ZNF536: variants seen among roughly 807,000 people sequenced by gnomAD.
ZNF536 encodes the protein zinc finger protein 536.
A neutral mutation model predicts 84.5 loss-of-function variants in ZNF536; 13 were observed. The ratio of observed to expected loss-of-function variants is 0.15; its 90% confidence interval spans 0.10 to 0.24. ZNF536 has a LOEUF of 0.24. Ranked by LOEUF, ZNF536 falls within the 10% of genes least tolerant of loss-of-function variation. The pLI is 1.00. For missense variants in ZNF536, 1,536 were observed against 1,747.5 expected, an observed-to-expected ratio of 0.88 and a Z score of 2.16; for synonymous variants, 811 against 742.5, an observed-to-expected ratio of 1.09 and a Z score of -1.50.
intron 3 of ZNF536, among the ~76,000 whole-genome samples, chr19:30,540,121 G>T (rs1422243876): frequency 6.6e-6 from 1 of 152,180 alleles, no homozygotes; most frequent in Non-Finnish European, 1.5e-5. Context: ...GTCAGTGGTG[G>T]TTTCCCAGGG....
chr19:30,285,833 C>T (rs55947232), intron 2 of ZNF536, among the ~76,000 whole-genome samples: 27,743 of 152,184 alleles, frequency 0.18, 2,915 homozygotes, highest in East Asian at 0.52. Context: ...AACACTTCCT[C>T]CATTGTGACA....
At chr19:30,489,170 C>T (rs986219732) in intron 2 of ZNF536, among the ~76,000 whole-genome samples, 1 of 152,156 alleles carries the variant, frequency 6.6e-6, no homozygotes, top group African/African-American at 2.4e-5. Context: ...GCTTATCTTT[C>T]CTGGGGAGCT....
intron 1 of ZNF536, among the ~76,000 whole-genome samples, chr19:30,582,057 G>A (rs1407093336): frequency 6.6e-6 from 1 of 152,184 alleles, no homozygotes; most frequent in East Asian, 1.9e-4. Flanking sequence ...AGAGAGGTGA[G>A]GGTCCGCGGT....
chr19:30,661,444 G>A (rs1471669096), intron 1 of ZNF536, among the ~76,000 whole-genome samples: 1 of 152,190 alleles, frequency 6.6e-6, no homozygotes, highest in East Asian at 1.9e-4. Context: ...CACATCCCTA[G>A]AAATATGTAG....
At chr19:30,473,362 G>A (rs943335297) in intron 2 of ZNF536, among the ~76,000 whole-genome samples, 10 of 152,160 alleles carry the variant, frequency 6.6e-5, no homozygotes, top group Admixed American at 5.2e-4. Context: ...CGTGTCCCAT[G>A]GCCCCAGAGT....
At chr19:30,576,853 G>C (rs555634341) in intron 1 of ZNF536, among the ~76,000 whole-genome samples, 15 of 152,186 alleles carry the variant, frequency 9.9e-5, no homozygotes, top group Non-Finnish European at 1.5e-4. Context: ...GCCTTTCCTG[G>C]AGTTGCATGT....
At chr19:30,327,224 T>C (rs1274078363) in intron 2 of ZNF536, among the ~76,000 whole-genome samples, 1 of 152,226 alleles carries the variant, frequency 6.6e-6, no homozygotes, top group Non-Finnish European at 1.5e-5. Context: ...GACACAGCAT[T>C]GTTGAAATTA....
downstream of ZNF536, among the ~76,000 whole-genome samples, chr19:30,561,314 C>A (rs887444798): frequency 6.6e-6 from 1 of 152,126 alleles, no homozygotes; most frequent in Non-Finnish European, 1.5e-5. Context: ...CAAGGTGTGC[C>A]CTGCACCTGG....
At position 30,246,117 on chromosome 19, in the gene ZNF536, C is replaced by A. The variant is rs563394404; in HGVS notation, c.-190+17444C>A. On this transcript the variant is annotated intron_variant, in intron 1 of 5. Transcript: ENST00000585628. ...TGACTGATGAGTGAGGTGGAGTAACCCCACTGGCTTCAACGAGACACTCGA... is the reference window on the plus strand; with the variant it reads ...TGACTGATGAGTGAGGTGGAGTAACACCACTGGCTTCAACGAGACACTCGA... Among the ~76,000 whole-genome samples the A allele has an allele frequency of 1.3e-4, 20 of 152,216 alleles. No individual in the cohort carries two copies. The South Asian group carries it at 4.2e-3, about 32-fold the overall frequency.
In ZNF536 at chr19:30,548,099, G is replaced by C. The variant is rs2146182274; in HGVS notation, c.2480G>C (p.Ser827Thr). 6.2e-7 allele frequency: 1 copy of C among 1,614,140 alleles called. No individual in the cohort carries two copies. The highest frequency in any genetic ancestry group is 8.5e-7 in the Non-Finnish European group (1 of 1,180,016). The change falls in exon 4 of 5, where the codon AGC becomes ACC. Residue 827 changes from serine to threonine, a missense_variant. Physicochemically the swap from Ser to Thr is moderately conservative, Grantham distance 58. This residue lies in a region of ZNF536 where 624 missense variants were observed against 603.1 expected (regional missense o/e 1.03). Transcript: ENST00000355537. ...PNQDHKDEMSSKASLFIRPDI... is the reference protein window; with the variant it reads ...PNQDHKDEMSTKASLFIRPDI... ...CAAGACCACAAGGATGAGATGTCAA[G>C]CAAAGCTTCTCTGTTCATCAGGCCA...
At chr19:30,695,012 A>C (rs2147939853) in intron 1 of ZNF536, among the ~76,000 whole-genome samples, 2 of 152,250 alleles carry the variant, frequency 1.3e-5, no homozygotes, top group Admixed American at 1.3e-4. Context: ...GCCGTTCAAC[A>C]CTCTCCACCA....
intron 2 of ZNF536, among the ~76,000 whole-genome samples, chr19:30,522,283 A>ATACATATATATGT (rs59462054): frequency 2.4e-5 from 1 of 42,350 alleles, no homozygotes; most frequent in African/African-American, 7.3e-5. Context: ...ACATATATAT[A>ATACATATATATGT]ATATATATAT....
chr19:30,605,736 C>A (rs538117176), intron 1 of ZNF536, among the ~76,000 whole-genome samples: 13 of 152,124 alleles, frequency 8.5e-5, no homozygotes, highest in Non-Finnish European at 1.8e-4. Context: ...TGGTGGATCT[C>A]CTTTTAGTTC....
intron 2 of ZNF536, among the ~76,000 whole-genome samples, chr19:30,294,910 G>C (rs1273231146): frequency 6.6e-6 from 1 of 152,186 alleles, no homozygotes; most frequent in African/African-American, 2.4e-5. Flanking sequence ...GGAGTGAGGA[G>C]GCTGGTTCTG....
chr19:30,274,308 C>T (rs1218247786), intron 1 of ZNF536, among the ~76,000 whole-genome samples: 1 of 152,212 alleles, frequency 6.6e-6, no homozygotes, highest in East Asian at 1.9e-4. Flanking sequence ...CTGCACTGCA[C>T]AATAGAAATA....
intron 2 of ZNF536, among the ~76,000 whole-genome samples, chr19:30,521,662 G>A (rs1202959485): frequency 1.3e-5 from 2 of 152,146 alleles, no homozygotes; most frequent in East Asian, 3.9e-4. Flanking sequence ...AAAGTATGGA[G>A]GAGGAGGAAC....
In ZNF536 at chr19:30,549,341, C is replaced by T. The variant is rs2146251669; in HGVS notation, c.3722C>T (p.Ala1241Val). ...KQWHSQGLLQ[A>V]QDPLAGLPKP... is the part of the protein sequence containing the mutation. ...TGGCACAGCCAGGGTCTTCTCCAAGCCCAGGACCCCTTGGCGGGCCTGCCA... is the reference window on the plus strand; with the variant it reads ...TGGCACAGCCAGGGTCTTCTCCAAGTCCAGGACCCCTTGGCGGGCCTGCCA... Residue 1241 changes from alanine (A) to valine (V), a missense_variant, in exon 4 of 5, where the codon GCC becomes GTC. Physicochemically the swap from Ala to Val is moderately conservative, Grantham distance 64. Coordinates refer to ENST00000355537, the MANE Select transcript of ZNF536 (RefSeq NM_014717.3). 1 of 1,606,824 alleles carries T rather than the reference C, an allele frequency of 6.2e-7. No homozygotes were observed. The highest frequency in any genetic ancestry group is 8.5e-7 in the Non-Finnish European group (1 of 1,175,984).
chr19:30,634,661 C>T (rs1334792238), intron 1 of ZNF536, among the ~76,000 whole-genome samples: 1 of 152,106 alleles, frequency 6.6e-6, no homozygotes, highest in African/African-American at 2.4e-5. Context: ...GTGGTCCTCT[C>T]CACTTAATGC....
chr19:30,414,721 C>A lies in ZNF536; in HGVS notation c.-2-28840C>A, dbSNP rs1347095847. 2.0e-5 allele frequency among the ~76,000 whole-genome samples: 3 copies of A among 152,212 alleles called. No homozygotes were observed. In the South Asian group the frequency reaches 6.2e-4, roughly 32 times the overall value. On this transcript the variant is annotated intron_variant, in intron 1 of 4. Transcript: ENST00000355537. ...CATTGTAAAAACCATTATGTACTAC[C>A]CATTATTTGAACTTAAATATAAATA...
Sources: allele counts gnomAD v4.1 joint callset (sites outside exome capture counted in the v4.1 genomes callset), GRCh38; gene constraint gnomAD v4.1.1; regional missense constraint gnomAD v4.1.1; transcripts MANE v1.5; gene names NCBI Gene and HGNC (gene_info 2026-07-23, HGNC 2026-07-21).